Variants in SCLT1 observed in about 807,000 individuals in gnomAD.
The protein encoded by SCLT1 is sodium channel-associated protein 1.
Under a neutral mutation model 112.8 loss-of-function variants are expected in SCLT1, and 78 were observed. The ratio of observed to expected loss-of-function variants is 0.69; its 90% CI spans 0.58 to 0.83. The LOEUF (loss-of-function observed/expected upper bound fraction) is 0.83. SCLT1 is among the 40% of genes least tolerant of loss of function. The pLI is 0.00. For missense variants in SCLT1, 747 were observed against 770.4 expected (o/e 0.97, Z 0.36); for synonymous variants, 257 against 254.7 (o/e 1.01, Z -0.09).
At chr4:128,998,580 T>C (rs1297845652) in intron 7 of SCLT1, among the ~76,000 whole-genome samples, 2 of 151,872 alleles carry the variant, frequency 1.3e-5, no homozygotes, top group East Asian at 3.9e-4. Flanking sequence ...AATGATATTA[T>C]TCAGGTGAAA....
At chr4:128,923,725 C>T (rs1300588576) in intron 18 of SCLT1, among the ~76,000 whole-genome samples, 1 of 151,722 alleles carries the variant, frequency 6.6e-6, no homozygotes, top group Non-Finnish European at 1.5e-5. Context: ...AGTGTTTATC[C>T]ATGCACCTGG....
At chr4:128,999,947 T>C (rs929649752) in intron 6 of SCLT1, among the ~76,000 whole-genome samples, 153 bp from the exon 7 acceptor site, 2 of 151,996 alleles carry the variant, frequency 1.3e-5, no homozygotes, top group African/African-American at 4.8e-5. Context: ...ATTTTTGATA[T>C]GAAGTTTTAT....
intron 9 of SCLT1, among the ~76,000 whole-genome samples, chr4:128,988,938 T>C (rs1742331712): frequency 6.6e-6 from 1 of 151,966 alleles, no homozygotes; most frequent in Admixed American, 6.6e-5. Context: ...ATAAGAATTG[T>C]AGATATATAT....
intron 9 of SCLT1, among the ~76,000 whole-genome samples, chr4:128,987,962 AG>A (rs1408851675): frequency 6.6e-6 from 1 of 152,146 alleles, no homozygotes; most frequent in African/African-American, 2.4e-5. Context: ...AATATGTAAA[AG>A]CAAAATTGTC....
At position 128,980,553 on chromosome 4, in the gene SCLT1, T is replaced by G. The variant is rs187038844; in HGVS notation, c.687-10085A>C. ...AATGAAACCACTTATATATAAGTAA[T>G]TTTGCTAGCATATTTTAAAGATGTC... is the stretch of plus-strand genomic sequence containing the variant. On this transcript the variant is annotated intron_variant, in intron 9 of 20. Coordinates refer to ENST00000281142, the MANE Select transcript of SCLT1 (RefSeq NM_144643.4). 6.6e-5 allele frequency among the ~76,000 whole-genome samples: 10 copies of G among 152,246 alleles called. No individual in the cohort carries two copies. In the East Asian group the frequency reaches 1.5e-3, roughly 23 times the overall value.
chr4:128,875,314 C>A (rs11730068), intron 4 of SCLT1: 32,614 of 152,520 alleles, frequency 0.21, 3,588 homozygotes, highest in Middle Eastern at 0.3. Context: ...CTGTCTTCCA[C>A]TTTAAATCAG....
At chr4:128,972,917 GTC>G (rs1471986226) in intron 9 of SCLT1, among the ~76,000 whole-genome samples, 7 of 151,960 alleles carry the variant, frequency 4.6e-5, no homozygotes, top group Admixed American at 2.0e-4. Flanking sequence ...CTACATATAA[GTC>G]TACACTCCTC....
At chr4:129,077,524 T>C (rs1426864686) in intron 2 of SCLT1, among the ~76,000 whole-genome samples, 3 of 152,122 alleles carry the variant, frequency 2.0e-5, no homozygotes, top group Non-Finnish European at 2.9e-5. Context: ...GATAAGTGGG[T>C]AGGAGGGAAG....
chr4:129,049,340 G>A lies in SCLT1; in HGVS notation c.103-5289C>T, dbSNP rs375407989. ...TTCACGTCCTTTGTAGGACATGGAT[G>A]AAATTGGAAATCATCATTCTCAGCA... On this transcript the variant is annotated intron_variant, in intron 2 of 20. Coordinates refer to ENST00000281142, the MANE Select transcript of SCLT1 (RefSeq NM_144643.4). Among the ~76,000 whole-genome samples the A allele has an allele frequency of 1.1e-4, 17 of 152,132 alleles. No homozygotes were observed. The South Asian group carries it at 3.3e-3, about 30-fold the overall frequency.
intron 5 of SCLT1, among the ~76,000 whole-genome samples, chr4:129,028,613 A>G (rs1417574226): frequency 6.6e-6 from 1 of 152,210 alleles, no homozygotes; most frequent in Non-Finnish European, 1.5e-5. Context: ...AGACATAGGT[A>G]TGGGCAAGGA....
Position 128,957,210 on chromosome 4 carries a change from C to T in SCLT1, c.1048-86G>A, listed in dbSNP as rs1236424119. 3.0e-5 allele frequency: 21 copies of T among 690,786 alleles called. No individual in the cohort carries two copies. The East Asian group carries it at 5.8e-4, about 19-fold the overall frequency. 42.8% of individuals were successfully genotyped at this position (690,786 alleles called of 1,614,324 possible). A position where few individuals can be genotyped will look rare whatever the true frequency, so the allele number is the denominator to read the frequency against. On this transcript the variant is annotated intron_variant, in intron 12 of 20. Transcript: ENST00000281142. ...GTGAAAACCTATCCACTAGTCACTT[C>T]CTTATTCAAAACTTCTGGGACATCT... is the stretch of plus-strand genomic sequence containing the variant.
At chr4:128,958,109 ACTT>A (rs2126011297) in intron 12 of SCLT1, among the ~76,000 whole-genome samples, 1 of 152,312 alleles carries the variant, frequency 6.6e-6, no homozygotes, top group Admixed American at 6.5e-5. Context: ...TGGGCTTGGA[ACTT>A]CTTCAATTAG....
intron 18 of SCLT1, among the ~76,000 whole-genome samples, chr4:128,920,055 T>C (rs1294071050): frequency 6.6e-6 from 1 of 152,134 alleles, no homozygotes; most frequent in South Asian, 2.1e-4. Context: ...TATGAGGCCA[T>C]AATCATCCTG....
At chr4:128,884,668 T>C in intron 20 of SCLT1, 129 bp from the exon 21 acceptor site, 1 of 632,408 alleles carries the variant, frequency 1.6e-6, no homozygotes, top group Admixed American at 2.8e-5. Context: ...TTGTAAATGA[T>C]CTTTTTCTTT....
At chr4:129,082,471 G>T in intron 1 of SCLT1, 98 bp from the exon 2 acceptor site, 1 of 601,798 alleles carries the variant, frequency 1.7e-6, no homozygotes, top group Non-Finnish European at 2.8e-6. Context: ...CATGCAAAAC[G>T]GCTAGTCTTC....
intron 1 of SCLT1, among the ~76,000 whole-genome samples, chr4:129,084,432 TAA>T (rs34518262): frequency 5.3e-5 from 8 of 151,632 alleles, no homozygotes; most frequent in Non-Finnish European, 8.8e-5. Context: ...TATAGTACCA[TAA>T]AAAAAAATAA....
At chr4:129,086,547 A>C (rs1167620388) in intron 1 of SCLT1, among the ~76,000 whole-genome samples, 1 of 152,148 alleles carries the variant, frequency 6.6e-6, no homozygotes. Flanking sequence ...GACTTTGTGA[A>C]GGCACTTATC....
At chr4:128,939,939 C>T (rs548426715) in intron 17 of SCLT1, among the ~76,000 whole-genome samples, 1 of 152,170 alleles carries the variant, frequency 6.6e-6, no homozygotes, top group South Asian at 2.1e-4. Flanking sequence ...ATTTATCTTA[C>T]AGCCTTCTTC....
At chr4:128,894,420 T>C (rs900619739) in intron 18 of SCLT1, among the ~76,000 whole-genome samples, 7 of 150,994 alleles carry the variant, frequency 4.6e-5, no homozygotes, top group Non-Finnish European at 8.9e-5. Context: ...ACACAGAGTA[T>C]ATGTGTGTGT....
Sources: allele counts gnomAD v4.1 joint callset (sites outside exome capture counted in the v4.1 genomes callset), GRCh38; gene constraint gnomAD v4.1.1; transcripts MANE v1.5; gene names NCBI Gene and HGNC (gene_info 2026-07-23, HGNC 2026-07-21).